The following PI4KA variants were observed in gnomAD, a reference collection of about 807,000 sequenced individuals.
PI4KA encodes PI4-kinase alpha.
Under a neutral mutation model 271.4 loss-of-function variants are expected in PI4KA, and 122 were observed. The ratio of observed to expected loss-of-function variants is 0.45; its 90% CI spans 0.39 to 0.52. The LOEUF (loss-of-function observed/expected upper bound fraction) is 0.52. Among genes scored for constraint, PI4KA ranks in the 20% least tolerant of loss-of-function variants. PI4KA has a pLI of 0.00. For synonymous variants in PI4KA, 1,041 were observed against 1,078.8 expected, an observed-to-expected ratio of 0.96 and a Z score of 0.69; for missense variants, 1,969 against 2,769.1, an observed-to-expected ratio of 0.71 and a Z score of 6.48.
In PI4KA at chr22:20,765,124, G is replaced by A; in HGVS notation, c.2550C>T (p.Ala850=). 10 of 1,613,664 alleles carry A rather than the reference G, an allele frequency of 6.2e-6. No individual in the cohort carries two copies. Among genetic ancestry groups the A allele is most frequent in the East Asian group, 2.2e-5 (1 of 44,882 alleles). The change falls in exon 21 of 55, where the codon GCC becomes GCT. Residue 850 remains alanine, a synonymous_variant. Coordinates refer to ENST00000255882, the MANE Select transcript of PI4KA (RefSeq NM_058004.4). ...PLRSVLQYNS[A]MKNDTVTPAE... ...CGGGGGTGACCGTGTCATTCTTCATGGCTGAGTTATACTGGAGGACGGACC... is the reference window on the plus strand; with the variant it reads ...CGGGGGTGACCGTGTCATTCTTCATAGCTGAGTTATACTGGAGGACGGACC...
chr22:20,707,967 G>A lies in PI4KA; in HGVS notation c.*80C>T. On this transcript the variant is annotated 3_prime_UTR_variant, in exon 55 of 55. Transcript: ENST00000255882. ...CTCTCCTCCACTGCATGTGGCGGCA[G>A]GGCAGGGAGGTCGCAGGGCTCCATG... 1 of 1,221,820 alleles carries A rather than the reference G, an allele frequency of 8.2e-7. No homozygotes were observed. Among genetic ancestry groups the A allele is most frequent in the Non-Finnish European group, 1.2e-6 (1 of 822,890 alleles). The allele number at this position is 1,221,820 out of a possible 1,614,324, so 75.7% of individuals were successfully genotyped here.
chr22:20,786,180 C>T (rs946447294), intron 19 of PI4KA: 14 of 1,612,362 alleles, frequency 8.7e-6, no homozygotes, highest in Non-Finnish European at 1.2e-5. Context: ...CCCGACCCGT[C>T]CCCAGGGTCT....
intron 8 of PI4KA, 34 bp downstream of exon 8, chr22:20,813,324 C>G: frequency 7.0e-7 from 1 of 1,438,120 alleles, no homozygotes; most frequent in Non-Finnish European, 9.7e-7. Context: ...ACTGACATAT[C>G]CATGGTCTGT....
At chr22:20,731,521 C>A (rs1489871993) in intron 36 of PI4KA, among the ~76,000 whole-genome samples, 1 of 151,126 alleles carries the variant, frequency 6.6e-6, no homozygotes, top group Non-Finnish European at 1.5e-5. Context: ...CTCAGCCAGG[C>A]AATGTGGCCC....
rs759305858 is a variant in PI4KA, at chr22:20,780,245, C to G, written c.2328+12948G>C. 7 of 1,613,374 alleles carry G rather than the reference C, an allele frequency of 4.3e-6. No individual in the cohort carries two copies. The African/African-American group carries it at 8.0e-5, about 18-fold the overall frequency. ...GTTCTCACAGCAAACCCACAACATACTATTTTTGTATGTGGGTAGATTGAA... is the reference window on the plus strand; with the variant it reads ...GTTCTCACAGCAAACCCACAACATAGTATTTTTGTATGTGGGTAGATTGAA... On this transcript the variant is annotated intron_variant, in intron 19 of 54. Transcript: ENST00000255882.
intron 12 of PI4KA, among the ~76,000 whole-genome samples, chr22:20,803,653 T>C (rs1935474582): frequency 6.6e-6 from 1 of 152,020 alleles, no homozygotes. Context: ...GCCTCCTGAG[T>C]AGCTGGGACT....
intron 43 of PI4KA, among the ~76,000 whole-genome samples, chr22:20,720,147 G>A (rs144227316): frequency 2.6e-5 from 4 of 151,764 alleles, no homozygotes; most frequent in African/African-American, 7.3e-5. Flanking sequence ...ATAACTCACT[G>A]GCCTATATTT....
intron 1 of PI4KA, among the ~76,000 whole-genome samples, chr22:20,838,962 A>G (rs890791757): frequency 6.6e-6 from 1 of 152,232 alleles, no homozygotes; most frequent in Non-Finnish European, 1.5e-5. Context: ...CACACCTGTA[A>G]TCCCAACCCT....
intron 19 of PI4KA, chr22:20,787,004 T>C (rs778094795): frequency 1.6e-5 from 26 of 1,614,050 alleles, no homozygotes; most frequent in Non-Finnish European, 2.0e-5. Context: ...TTTCCTCATC[T>C]ACGAGCATCG....
At position 20,841,602 on chromosome 22, in the gene PI4KA, A is replaced by G. The variant is rs1925562446; in HGVS notation, c.157-2871T>C. Among the ~76,000 whole-genome samples the G allele has an allele frequency of 3.3e-5, 5 of 152,246 alleles. No individual in the cohort carries two copies. In the South Asian group the frequency reaches 1.0e-3, roughly 31 times the overall value. On this transcript the variant is annotated intron_variant, in intron 1 of 54. Coordinates refer to ENST00000255882, the MANE Select transcript of PI4KA (RefSeq NM_058004.4). ...GTAATGATTCCATGATTTATGCACT[A>G]CACTGGCATGTCAGGCAGAATAATG...
intron 6 of PI4KA, among the ~76,000 whole-genome samples, chr22:20,819,021 G>A (rs746025784): frequency 5.3e-4 from 80 of 152,328 alleles, no homozygotes; most frequent in Middle Eastern, 3.4e-3. Flanking sequence ...TTATAAAGGC[G>A]GGAGCCAGGG....
intron 32 of PI4KA, among the ~76,000 whole-genome samples, chr22:20,740,545 A>G (rs949032321): frequency 6.6e-6 from 1 of 152,176 alleles, no homozygotes; most frequent in African/African-American, 2.4e-5. Flanking sequence ...TGAAATTAAG[A>G]AGCTCAATGA....
In PI4KA at chr22:20,803,187, T is replaced by C. The variant is rs370807352; in HGVS notation, c.1591+4A>G. On this transcript the variant is annotated splice_donor_region_variant and intron_variant, in intron 13 of 54. Coordinates refer to ENST00000255882, the MANE Select transcript of PI4KA (RefSeq NM_058004.4). ...GGCCTGAAGGGCACATAGTCTGTTA[T>C]TACCTGTGTGGTACTGACTGTGGTA... 1.9e-5 allele frequency: 30 copies of C among 1,613,822 alleles called. No individual in the cohort carries two copies. The highest frequency in any genetic ancestry group is 2.4e-5 in the Non-Finnish European group (28 of 1,179,850).
intron 6 of PI4KA, among the ~76,000 whole-genome samples, 172 bp from the exon 7 acceptor site, chr22:20,818,721 T>C (rs1390717171): frequency 1.3e-5 from 2 of 152,246 alleles, no homozygotes; most frequent in Non-Finnish European, 2.9e-5. Context: ...CTACATGCTA[T>C]ATCACTAAAT....
chr22:20,817,378 T>A (rs759884971), intron 7 of PI4KA, among the ~76,000 whole-genome samples: 1 of 151,918 alleles, frequency 6.6e-6, no homozygotes, highest in African/African-American at 2.4e-5. Context: ...TGGCACAGGG[T>A]AGTCACATGA....
chr22:20,831,457 A>T (rs1924148802), intron 3 of PI4KA, among the ~76,000 whole-genome samples: 1 of 151,960 alleles, frequency 6.6e-6, no homozygotes, highest in African/African-American at 2.4e-5. Context: ...GTCCCCAGTT[A>T]CTCAGGAGGC....
At chr22:20,774,791 A>T (rs370803767) in intron 19 of PI4KA, among the ~76,000 whole-genome samples, 23 of 152,078 alleles carry the variant, frequency 1.5e-4, no homozygotes, top group South Asian at 4.2e-4. Flanking sequence ...AAAAAGAAAA[A>T]ATGTTAGAGG....
At chr22:20,854,241 C>T (rs977148074) in intron 1 of PI4KA, among the ~76,000 whole-genome samples, 1 of 151,990 alleles carries the variant, frequency 6.6e-6, no homozygotes, top group African/African-American at 2.4e-5. Flanking sequence ...TGGCCTCAGC[C>T]TCCCAAGTAG....
rs1935421332 is a variant in PI4KA at position 20,803,070 on chromosome 22, G to C, written c.1591+121C>G. 3.9e-6 allele frequency: 4 copies of C among 1,024,208 alleles called. No individual in the cohort carries two copies. The Admixed American group carries it at 7.6e-5, about 19-fold the overall frequency. The allele number at this position is 1,024,208 out of a possible 1,614,324, so 63.4% of individuals were successfully genotyped here. ...AGCTTGGAGGGGACGCAAAGGGAAA[G>C]ACAGAAGGAAAGGTGTGGCGAAGGA... On this transcript the variant is annotated intron_variant, in intron 13 of 54. Coordinates refer to ENST00000255882, the MANE Select transcript of PI4KA (RefSeq NM_058004.4).
Sources: allele counts gnomAD v4.1 joint callset (sites outside exome capture counted in the v4.1 genomes callset), GRCh38; gene constraint gnomAD v4.1.1; transcripts MANE v1.5; gene names NCBI Gene and HGNC (gene_info 2026-07-23, HGNC 2026-07-21).